The following PID1 variants were observed in gnomAD, a reference collection of about 807,000 sequenced individuals.
The protein encoded by PID1 is PTB-containing, cubilin and LRP1-interacting protein.
In PID1, 10 loss-of-function variants were observed where a neutral mutation model predicts 19.1. The ratio of observed to expected loss-of-function variants is 0.52; its 90% CI spans 0.32 to 0.89. The LOEUF is 0.89. Among genes scored for constraint, PID1 ranks in the 40% least tolerant of loss-of-function variants. PID1 has a pLI of 0.03. For missense variants in PID1, 248 were observed against 285.3 expected, an observed-to-expected ratio of 0.87 and a Z score of 0.94; for synonymous variants, 130 against 116.0, an observed-to-expected ratio of 1.12 and a Z score of -0.78.
At chr2:229,116,516 G>A (rs186886665) in intron 2 of PID1, among the ~76,000 whole-genome samples, 2 of 152,242 alleles carry the variant, frequency 1.3e-5, no homozygotes, top group African/African-American at 2.4e-5. Context: ...CCCAGCAGGA[G>A]GTAACTGAAT....
At position 229,204,887 on chromosome 2, in the gene PID1, A is replaced by G. The variant is rs188024298; in HGVS notation, c.31-48923T>C. The stretch of plus-strand genomic sequence containing the variant: ...CAGGAGCCTAATGCTACTATTCTCT[A>G]GGTCAGATTTATGGTGTGAAACTTC... On this transcript the variant is annotated intron_variant, in intron 1 of 2. Coordinates refer to ENST00000392055, the MANE Select transcript of PID1 (RefSeq NM_001100818.2). Among the ~76,000 whole-genome samples, 622 of 152,262 alleles carry G rather than the reference A, an allele frequency of 4.1e-3. 9 individuals are homozygous for G. Among genetic ancestry groups the G allele is most frequent in the African/African-American group, 0.014 (600 of 41,548 alleles).
chr2:229,235,425 G>A (rs1574746700), intron 1 of PID1, among the ~76,000 whole-genome samples: 1 of 152,248 alleles, frequency 6.6e-6, no homozygotes, highest in East Asian at 1.9e-4. Flanking sequence ...CTTCCAAGGA[G>A]ACACGAGAAA....
At chr2:229,046,219 G>T (rs1156807016) in intron 2 of PID1, among the ~76,000 whole-genome samples, 1 of 152,064 alleles carries the variant, frequency 6.6e-6, no homozygotes, top group African/African-American at 2.4e-5. Context: ...CATTTTCTCA[G>T]CAAAGCTTAG....
At chr2:229,238,205 C>A (rs140282818) in intron 1 of PID1, among the ~76,000 whole-genome samples, 2 of 152,128 alleles carry the variant, frequency 1.3e-5, no homozygotes, top group Non-Finnish European at 2.9e-5. Flanking sequence ...AATTGGAAAG[C>A]CTGCCTCTAA....
At chr2:229,061,109 T>G (rs1694204262) in intron 2 of PID1, among the ~76,000 whole-genome samples, 1 of 152,058 alleles carries the variant, frequency 6.6e-6, no homozygotes, top group African/African-American at 2.4e-5. Flanking sequence ...GAGGCCATAT[T>G]GATGCAATCT....
At chr2:229,241,691 A>G (rs939673030) in intron 1 of PID1, among the ~76,000 whole-genome samples, 2 of 152,152 alleles carry the variant, frequency 1.3e-5, no homozygotes, top group African/African-American at 4.8e-5. Context: ...CCATATGGTC[A>G]GAAAAGTTAT....
intron 2 of PID1, among the ~76,000 whole-genome samples, chr2:229,126,048 T>G (rs992086290): frequency 1.3e-5 from 2 of 152,192 alleles, no homozygotes; most frequent in African/African-American, 4.8e-5. Context: ...ACAGCCTAAT[T>G]TCTCCTTGAA....
chr2:229,077,908 C>G lies in PID1; in HGVS notation c.178-51800G>C, dbSNP rs545130671. On this transcript the variant is annotated intron_variant, in intron 2 of 2. Coordinates refer to ENST00000392055, the MANE Select transcript of PID1 (RefSeq NM_001100818.2). ...CATGTGAAATTTAAAATAGTTTTTT[C>G]TAATTCCGTGAAGAAAGTCAATGGT... Among the ~76,000 whole-genome samples the G allele has an allele frequency of 5.3e-5, 8 of 152,258 alleles. No homozygotes were observed. The South Asian group carries it at 1.7e-3, about 32-fold the overall frequency.
chr2:229,232,431 CAAAAA>C (rs386392861), intron 1 of PID1, among the ~76,000 whole-genome samples: 4 of 41,352 alleles, frequency 9.7e-5, no homozygotes, highest in African/African-American at 2.3e-4. Flanking sequence ...GACTCCATCT[CAAAAA>C]AAAAAAAAAA....
intron 2 of PID1, among the ~76,000 whole-genome samples, chr2:229,066,683 G>A (rs567524823): frequency 3.3e-5 from 5 of 151,706 alleles, no homozygotes; most frequent in African/African-American, 4.9e-5. Context: ...TATTTGAAAG[G>A]AGCAAGTTTC....
At chr2:229,038,421 A>G (rs1187797017) in intron 2 of PID1, among the ~76,000 whole-genome samples, 1 of 152,168 alleles carries the variant, frequency 6.6e-6, no homozygotes. Flanking sequence ...TACTGAGTCA[A>G]AGTCATCCTC....
At chr2:229,048,662 C>G (rs999980143) in intron 2 of PID1, among the ~76,000 whole-genome samples, 1 of 152,184 alleles carries the variant, frequency 6.6e-6, no homozygotes, top group Non-Finnish European at 1.5e-5. Context: ...GAAGGGCAGA[C>G]AGCAGCGGCT....
intron 2 of PID1, among the ~76,000 whole-genome samples, chr2:229,121,659 G>A (rs921482011): frequency 1.3e-5 from 2 of 152,158 alleles, no homozygotes; most frequent in African/African-American, 4.8e-5. Flanking sequence ...TATGTATTCT[G>A]TCGGGCTCTC....
chr2:229,250,982 T>C (rs540023499), intron 1 of PID1, among the ~76,000 whole-genome samples: 1 of 152,318 alleles, frequency 6.6e-6, no homozygotes, highest in South Asian at 2.1e-4. Context: ...GTAAAGACTA[T>C]GGGAAATTAA....
chr2:229,026,849 A>T (rs1167893541), intron 2 of PID1, among the ~76,000 whole-genome samples: 1 of 152,240 alleles, frequency 6.6e-6, no homozygotes, highest in Non-Finnish European at 1.5e-5. Context: ...AAGAAAAATA[A>T]TTCCAAACGA....
intron 2 of PID1, among the ~76,000 whole-genome samples, chr2:229,039,805 G>A (rs1440123791): frequency 1.3e-5 from 2 of 152,152 alleles, no homozygotes; most frequent in Non-Finnish European, 2.9e-5. Context: ...TGGTTGGAAT[G>A]CAACTTAGTA....
intron 2 of PID1, among the ~76,000 whole-genome samples, chr2:229,084,776 C>T (rs1694733283): frequency 6.6e-6 from 1 of 152,162 alleles, no homozygotes; most frequent in African/African-American, 2.4e-5. Flanking sequence ...AACTTAACAT[C>T]ACATGTGAGA....
At chr2:229,079,529 C>T (rs1230942676) in intron 2 of PID1, among the ~76,000 whole-genome samples, 1 of 152,154 alleles carries the variant, frequency 6.6e-6, no homozygotes, top group Non-Finnish European at 1.5e-5. Flanking sequence ...ATTTTGGTTT[C>T]TACAATTTGT....
At chr2:229,265,700 C>T (rs866752009) in intron 1 of PID1, among the ~76,000 whole-genome samples, 1 of 152,320 alleles carries the variant, frequency 6.6e-6, no homozygotes, top group Non-Finnish European at 1.5e-5. Context: ...AGTCCCTGAA[C>T]TGCTGCTATT....
Sources: allele counts gnomAD v4.1 joint callset (sites outside exome capture counted in the v4.1 genomes callset), GRCh38; gene constraint gnomAD v4.1.1; transcripts MANE v1.5; gene names NCBI Gene and HGNC (gene_info 2026-07-23, HGNC 2026-07-21).